B3GNT3: variants seen among roughly 807,000 people sequenced by gnomAD.
B3GNT3 encodes the protein UDP-GlcNAc:betaGal beta-1,3-N-acetylglucosaminyltransferase 3.
In B3GNT3, 7 loss-of-function variants were observed where a neutral mutation model predicts 11.6. That is an observed-to-expected ratio of 0.60 (90% confidence interval 0.34 to 1.13). B3GNT3 has a LOEUF of 1.13. Among genes scored for constraint, B3GNT3 ranks in the 50% most tolerant of loss-of-function variants. The pLI, the probability that B3GNT3 is intolerant of heterozygous loss-of-function variation, is 0.03. For synonymous variants in B3GNT3, 201 were observed against 222.1 expected (o/e 0.90, Z 0.85); for missense variants, 400 against 507.4 (o/e 0.79, Z 2.03).
chr19:17,813,153 A>G lies in B3GNT3; in HGVS notation c.*1031A>G. 6.6e-6 allele frequency: 1 copy of G among 151,406 alleles called. No individual in the cohort carries two copies. The highest frequency in any genetic ancestry group is 1.5e-5 in the Non-Finnish European group (1 of 67,930). 9.4% of individuals were successfully genotyped at this position (151,406 alleles called of 1,614,324 possible). ...GTCCACATTCATCCCTAAAAGTCTC[A>G]TTTTCCAGTAGAAAATATACACTGG... On this transcript the variant is annotated 3_prime_UTR_variant, in exon 3 of 3. Transcript: ENST00000318683.
chr19:17,803,133 GTA>G (rs1477157337), intron 1 of B3GNT3, among the ~76,000 whole-genome samples: 10 of 152,100 alleles, frequency 6.6e-5, no homozygotes, highest in African/African-American at 1.9e-4. Context: ...AGCCTCCTGA[GTA>G]GCTGGGATTA....
chr19:17,807,111 AGTGTGTGTGTGTGTGTGTGT>A (rs56140662), intron 1 of B3GNT3, among the ~76,000 whole-genome samples: 1 of 116,242 alleles, frequency 8.6e-6, no homozygotes, highest in Non-Finnish European at 1.8e-5. Context: ...CAGTGGCCCC[AGTGTGTGTGTGTGTGTGTGT>A]GTGTGTGTGT....
Position 17,812,238 on chromosome 19 carries a change from T to C in B3GNT3, c.*116T>C, listed in dbSNP as rs187409302. ...AGCATAAGGGAGTGCCAGGGAAGGT[T>C]TGAGGTTTGATGAGTGAATATTCTG... On this transcript the variant is annotated 3_prime_UTR_variant, in exon 3 of 3. Transcript: ENST00000318683. 1.9e-5 allele frequency: 23 copies of C among 1,205,072 alleles called. No individual in the cohort carries two copies. In the African/African-American group the frequency reaches 2.8e-4, roughly 14 times the overall value. The allele number at this position is 1,205,072 out of a possible 1,614,324, so 74.6% of individuals were successfully genotyped here.
rs377691809 is a variant in B3GNT3 at position 17,812,423 on chromosome 19, G to A, written c.*301G>A. ...TTCCAACTGTGGATGCATCCGTCCC[G>A]TTTGAGTCAAAGTCTTACTTCCCTG... On this transcript the variant is annotated 3_prime_UTR_variant, in exon 3 of 3. Transcript: ENST00000318683. 1.8e-4 allele frequency: 62 copies of A among 351,784 alleles called. No individual in the cohort carries two copies. The highest frequency in any genetic ancestry group is 1.1e-3 in the African/African-American group (53 of 47,990). 21.8% of individuals were successfully genotyped at this position (351,784 alleles called of 1,614,324 possible).
Position 17,808,034 on chromosome 19 carries a change from A to G in B3GNT3, c.227A>G (p.Gln76Arg), listed in dbSNP as rs944340808. The G allele has an allele frequency of 2.2e-6, 3 of 1,352,332 alleles. No individual in the cohort carries two copies. The highest frequency in any genetic ancestry group is 2.0e-6 in the Non-Finnish European group (2 of 1,021,450). The allele number at this position is 1,352,332 out of a possible 1,614,324, so 83.8% of individuals were successfully genotyped here. Reference sequence around the variant, plus strand: ...GTCACCCACCCGGACTTCGCCACGCAGCCGCAGCACGTTCAGAACTTCCTC... The same window carrying G: ...GTCACCCACCCGGACTTCGCCACGCGGCCGCAGCACGTTCAGAACTTCCTC... ...SMVTHPDFAT[Q>R]PQHVQNFLLY... is the part of the protein sequence containing the mutation. The change falls in exon 2 of 3, where the codon CAG becomes CGG. Residue 76 changes from glutamine (Q) to arginine (R), a missense_variant. By Grantham distance (43) the Gln-to-Arg change is conservative. Coordinates refer to ENST00000318683, the MANE Select transcript of B3GNT3 (RefSeq NM_014256.4).
chr19:17,811,706 G>C lies in B3GNT3; in HGVS notation c.703G>C (p.Val235Leu). ...QDHDPGRHLF[V>L]GQLIQNVGPI... ...CCATGACCCTGGCCGCCACCTCTTC[G>C]TGGGGCAACTGATCCAAAACGTGGG... The change falls in exon 3 of 3, where the codon GTG becomes CTG. Residue 235 changes from valine (V) to leucine (L), a missense_variant. Transcript: ENST00000318683. This position sits in a 1 kb window ranked among gnomAD's most constrained non-coding sequence, Gnocchi z 4.1. 2 of 1,614,210 alleles carry C rather than the reference G, an allele frequency of 1.2e-6. No individual in the cohort carries two copies. Among genetic ancestry groups the C allele is most frequent in the African/African-American group, 1.3e-5 (1 of 75,056 alleles).
Position 17,808,151 on chromosome 19 carries a change from C to A in B3GNT3, c.344C>A (p.Ser115Tyr), listed in dbSNP as rs1164501733. The change falls in exon 2 of 3, where the codon TCC becomes TAC. Residue 115 changes from serine (S) to tyrosine (Y), a missense_variant. Coordinates refer to ENST00000318683, the MANE Select transcript of B3GNT3 (RefSeq NM_014256.4). ...QPVFLLLVIK[S>Y]SPSNYVRREL... is the part of the protein sequence containing the mutation. ...GTCTTCCTGCTGCTGGTGATCAAGTCCTCCCCTAGCAACTATGTGCGCCGC... is the reference window on the plus strand; with the variant it reads ...GTCTTCCTGCTGCTGGTGATCAAGTACTCCCCTAGCAACTATGTGCGCCGC... 1 of 1,613,150 alleles carries A rather than the reference C, an allele frequency of 6.2e-7. No homozygotes were observed.
At chr19:17,795,790 GT>G (rs1172309032) in intron 1 of B3GNT3, among the ~76,000 whole-genome samples, 1 of 152,156 alleles carries the variant, frequency 6.6e-6, no homozygotes, top group Non-Finnish European at 1.5e-5. Context: ...TGCCCGAAGC[GT>G]TTAGTCAAAG....
rs2094176238 is a variant in B3GNT3 at position 17,808,202 on chromosome 19, G to T, written c.395G>T (p.Arg132Leu). ...RRELLRRTWG[R>L]ERKVRGLQLR... ...GAGCTGCTGCGGCGCACGTGGGGCC[G>T]CGAGCGCAAGGTACGGGGTTTGCAG... Residue 132 changes from arginine (R) to leucine (L), a missense_variant, in exon 2 of 3, where the codon CGC becomes CTC. Transcript: ENST00000318683. 1 of 1,611,556 alleles carries T rather than the reference G, an allele frequency of 6.2e-7. No individual in the cohort carries two copies. The highest frequency in any genetic ancestry group is 1.1e-5 in the South Asian group (1 of 90,994).
At position 17,813,406 on chromosome 19, in the gene B3GNT3, T is replaced by C. The variant is rs1244666226; in HGVS notation, c.*1284T>C. On this transcript the variant is annotated 3_prime_UTR_variant, in exon 3 of 3. Coordinates refer to ENST00000318683, the MANE Select transcript of B3GNT3 (RefSeq NM_014256.4). ...GTTGGAGGCTGCAGTGAACCATGAT[T>C]GCGCCACTGTACTCCACTGGGCGGC... is the stretch of plus-strand genomic sequence containing the variant. Among the ~76,000 whole-genome samples the C allele has an allele frequency of 6.6e-6, 1 of 152,000 alleles. No homozygotes were observed. Among genetic ancestry groups the C allele is most frequent in the African/African-American group, 2.4e-5 (1 of 41,374 alleles).
At position 17,805,406 on chromosome 19, in the gene B3GNT3, G is replaced by A. The variant is rs571622155; in HGVS notation, c.-50-2352G>A. On this transcript the variant is annotated intron_variant, in intron 1 of 2. Transcript: ENST00000318683. ...GAGCCACCTTGCCCAGCCCACAGGG[G>A]ACTTCTTAAAGGCATAAATCAATCT... 1.6e-4 allele frequency among the ~76,000 whole-genome samples: 25 copies of A among 152,040 alleles called. No individual in the cohort carries two copies. The South Asian group carries it at 5.2e-3, about 32-fold the overall frequency.
chr19:17,795,468 C>A (rs911169339), intron 1 of B3GNT3, among the ~76,000 whole-genome samples: 1 of 152,248 alleles, frequency 6.6e-6, no homozygotes, highest in Non-Finnish European at 1.5e-5. Context: ...CCCGGCGCCC[C>A]TCCCAGATTG....
chr19:17,795,205 G>T lies in B3GNT3; in HGVS notation c.-52G>T, dbSNP rs2094158079. On this transcript the variant is annotated splice_region_variant and 5_prime_UTR_variant, in exon 1 of 3. Transcript: ENST00000318683. ...GGGCAGAGGCGGGACTGTCGTCTGG[G>T]GGTGAGTGTCGGCAGCCCCCGGAGG... 1 of 152,364 alleles carries T rather than the reference G, an allele frequency of 6.6e-6. No individual in the cohort carries two copies. The highest frequency in any genetic ancestry group is 2.1e-4 in the South Asian group (1 of 4,830). The allele number at this position is 152,364 out of a possible 1,614,324, so 9.4% of individuals were successfully genotyped here.
chr19:17,795,031 TG>T (rs1241426983), upstream of B3GNT3: 1 of 152,382 alleles, frequency 6.6e-6, no homozygotes, highest in Non-Finnish European at 1.5e-5. Context: ...TCAGCCGAGC[TG>T]GGAAGAGGGG....
rs955897282 is a variant in B3GNT3 at position 17,798,630 on chromosome 19, C to G, written c.-51+3424C>G. ...AGGTTGCAGTGAGCCAAGATAGCACCACTGCACTCCAGCCTGGGCAACAGA... is the reference window on the plus strand; with the variant it reads ...AGGTTGCAGTGAGCCAAGATAGCACGACTGCACTCCAGCCTGGGCAACAGA... On this transcript the variant is annotated intron_variant, in intron 1 of 2. Transcript: ENST00000318683. Among the ~76,000 whole-genome samples, 4 of 151,904 alleles carry G rather than the reference C, an allele frequency of 2.6e-5. No homozygotes were observed. The East Asian group carries it at 7.7e-4, about 29-fold the overall frequency.
intron 1 of B3GNT3, among the ~76,000 whole-genome samples, chr19:17,806,249 G>A (rs1599847185): frequency 6.6e-6 from 1 of 151,132 alleles, no homozygotes; most frequent in South Asian, 2.1e-4. Context: ...CTAAAGTGTT[G>A]GGATTATGGG....
chr19:17,803,812 G>A (rs2094169249), intron 1 of B3GNT3, among the ~76,000 whole-genome samples: 1 of 150,752 alleles, frequency 6.6e-6, no homozygotes, highest in South Asian at 2.1e-4. Context: ...GATCGCCACT[G>A]CACTCCAGCC....
At chr19:17,798,566 G>A (rs2094162102) in intron 1 of B3GNT3, among the ~76,000 whole-genome samples, 1 of 152,028 alleles carries the variant, frequency 6.6e-6, no homozygotes, top group South Asian at 2.1e-4. Flanking sequence ...AGCTTCTCTG[G>A]AGGCTGAGAC....
At chr19:17,806,551 G>A (rs1297671822) in intron 1 of B3GNT3, among the ~76,000 whole-genome samples, 1 of 152,136 alleles carries the variant, frequency 6.6e-6, no homozygotes, top group African/African-American at 2.4e-5. Flanking sequence ...TGCCATCCAT[G>A]ACGCAGTCCC....
Sources: gnomAD v4.1 joint callset for allele counts (sites outside exome capture counted in the v4.1 genomes callset) on GRCh38, gnomAD v4.1.1 for gene constraint, Gnocchi (gnomAD v3.1) non-coding constraint, MANE v1.5 for transcripts, NCBI Gene and HGNC (gene_info 2026-07-23, HGNC 2026-07-21) for gene names.